CEP70: variants seen among roughly 807,000 people sequenced by gnomAD.
CEP70 encodes centrosomal protein of 70 kDa.
In CEP70, 70 loss-of-function variants were observed where a neutral mutation model predicts 90.9. That is an observed-to-expected ratio of 0.77 (90% CI 0.64 to 0.94). CEP70 has a LOEUF of 0.94. CEP70 is among the 40% of genes least tolerant of loss of function. The probability of loss-of-function intolerance (pLI) is 0.00; values close to 1 mark genes in which losing one functional copy is unlikely to be tolerated. For missense variants in CEP70, 648 were observed against 669.0 expected, an observed-to-expected ratio of 0.97 and a Z score of 0.35; for synonymous variants, 220 against 228.3, an observed-to-expected ratio of 0.96 and a Z score of 0.33.
At chr3:138,568,649 A>G (rs1342863159) in intron 6 of CEP70, among the ~76,000 whole-genome samples, 1 of 152,206 alleles carries the variant, frequency 6.6e-6, no homozygotes, top group Non-Finnish European at 1.5e-5. Context: ...GAGAGATTTT[A>G]TAAATATACT....
At chr3:138,497,805 G>T in intron 17 of CEP70, 1 of 985,302 alleles carries the variant, frequency 1.0e-6, no homozygotes, top group Non-Finnish European at 1.2e-6. Flanking sequence ...CTCATGATAA[G>T]GTCCTCCAAC....
chr3:138,593,380 G>A (rs962699190), intron 1 of CEP70, among the ~76,000 whole-genome samples: 2 of 152,064 alleles, frequency 1.3e-5, no homozygotes, highest in Non-Finnish European at 2.9e-5. Context: ...ACACCACCAT[G>A]CCCAGCTAAT....
chr3:138,500,475 G>C lies in CEP70; in HGVS notation c.1461C>G (p.Pro487=). ...FDVPSLNGVY[P]RMNEVYTRLG... ...GCCTAGTATAAACTTCATTCATTCG[G>C]GGATAGACTCCATTTAAAGAAGGCA... The change falls in exon 15 of 18, where the codon CCC becomes CCG. Residue 487 remains proline (P), a synonymous_variant. Coordinates refer to ENST00000264982, the MANE Select transcript of CEP70 (RefSeq NM_024491.4). The C allele has an allele frequency of 6.2e-7, 1 of 1,611,660 alleles. No individual in the cohort carries two copies. Among genetic ancestry groups the C allele is most frequent in the Non-Finnish European group, 8.5e-7 (1 of 1,179,422 alleles).
At chr3:138,563,181 G>A (rs2108068039) in intron 6 of CEP70, among the ~76,000 whole-genome samples, 1 of 152,186 alleles carries the variant, frequency 6.6e-6, no homozygotes, top group East Asian at 1.9e-4. Context: ...CAATACAGGA[G>A]CACCCAGATT....
intron 11 of CEP70, among the ~76,000 whole-genome samples, chr3:138,518,873 C>G (rs1414667424): frequency 6.6e-6 from 1 of 152,066 alleles, no homozygotes; most frequent in East Asian, 1.9e-4. Context: ...TTCAGAAGAT[C>G]AAACTACTCC....
At chr3:138,550,390 T>A (rs569267430) in intron 6 of CEP70, among the ~76,000 whole-genome samples, 3 of 152,262 alleles carry the variant, frequency 2.0e-5, no homozygotes, top group African/African-American at 7.2e-5. Flanking sequence ...TGAGACGGAG[T>A]TTCGCTCTTG....
At position 138,525,559 on chromosome 3, in the gene CEP70, G is replaced by A. The variant is rs773044019; in HGVS notation, c.875C>T (p.Thr292Met). Reference protein sequence around the residue: ...NLQKDLETRPTQHELRLYKQQ... With the variant: ...NLQKDLETRPMQHELRLYKQQ... ...TTTATAAAGTCTTAATTCATGCTGC[G>A]TAGGCCTGTGGAAAATAAATAATGA... is the stretch of plus-strand genomic sequence containing the variant. The change falls in exon 11 of 18, where the codon ACG (threonine) becomes ATG (methionine). Residue 292 changes from threonine (T) to methionine (M), a missense_variant. Transcript: ENST00000264982. 18 of 1,353,028 alleles carry A rather than the reference G, an allele frequency of 1.3e-5. No individual in the cohort carries two copies. The highest frequency in any genetic ancestry group is 8.1e-5 in the East Asian group (3 of 37,056). The allele number at this position is 1,353,028 out of a possible 1,614,324, so 83.8% of individuals were successfully genotyped here.
intron 7 of CEP70, among the ~76,000 whole-genome samples, chr3:138,534,652 A>T (rs2038110115): frequency 6.6e-6 from 1 of 152,220 alleles, no homozygotes; most frequent in Non-Finnish European, 1.5e-5. Context: ...TTCCTTGGTT[A>T]TCATGATACC....
chr3:138,514,698 C>G (rs950249770), intron 11 of CEP70, among the ~76,000 whole-genome samples: 2 of 151,738 alleles, frequency 1.3e-5, no homozygotes, highest in African/African-American at 2.4e-5. Context: ...TTTTACCTTG[C>G]AAAGTAAAAT....
At position 138,510,636 on chromosome 3, in the gene CEP70, G is replaced by A. The variant is rs116631584; in HGVS notation, c.945-2092C>T. Among the ~76,000 whole-genome samples the A allele has an allele frequency of 7.1e-3, 1,076 of 152,236 alleles. 13 individuals are homozygous for A. Among genetic ancestry groups the A allele is most frequent in the African/African-American group, 0.025 (1,031 of 41,530 alleles). ...TAATGAGTCATAGAGTCAGTTTAGT[G>A]GGTTGAAGTCCCAGCAGGAAACTGA... On this transcript the variant is annotated intron_variant, in intron 11 of 17. Coordinates refer to ENST00000264982, the MANE Select transcript of CEP70 (RefSeq NM_024491.4).
In CEP70 at chr3:138,508,544, T is replaced by C; in HGVS notation, c.945A>G (p.Lys315=). ...KLEKALKKNV[K]LQELINHKKA... ...TCTTATGATTAATAAGCTCCTGTAA[T>C]CTAAAAGGGGGAAAAAAATCAAGAT... Residue 315 remains lysine (K), a splice_region_variant and synonymous_variant, in exon 12 of 18, where the codon AAA becomes AAG. Coordinates refer to ENST00000264982, the MANE Select transcript of CEP70 (RefSeq NM_024491.4). The C allele has an allele frequency of 6.3e-7, 1 of 1,578,258 alleles. No homozygotes were observed. Among genetic ancestry groups the C allele is most frequent in the East Asian group, 2.2e-5 (1 of 44,618 alleles).
chr3:138,523,778 T>C (rs10102623), intron 11 of CEP70, among the ~76,000 whole-genome samples: 2 of 152,048 alleles, frequency 1.3e-5, no homozygotes, highest in Admixed American at 6.5e-5. Context: ...AGAATCAATA[T>C]CGTGAAAATG....
At chr3:138,520,259 C>T (rs1444893389) in intron 11 of CEP70, among the ~76,000 whole-genome samples, 1 of 152,040 alleles carries the variant, frequency 6.6e-6, no homozygotes, top group African/African-American at 2.4e-5. Flanking sequence ...CCACTGTCAA[C>T]ATTAGACAGA....
intron 6 of CEP70, among the ~76,000 whole-genome samples, chr3:138,565,458 C>A (rs1165360699): frequency 6.6e-6 from 1 of 152,116 alleles, no homozygotes; most frequent in Non-Finnish European, 1.5e-5. Flanking sequence ...GGCTATATAA[C>A]CAAAACAGCA....
At chr3:138,535,715 G>C (rs988284794) in intron 7 of CEP70, among the ~76,000 whole-genome samples, 5 of 152,114 alleles carry the variant, frequency 3.3e-5, no homozygotes, top group African/African-American at 4.8e-5. Context: ...TACATTGCAA[G>C]TTCTCTCAGT....
At chr3:138,557,656 G>C (rs1236478113) in intron 6 of CEP70, among the ~76,000 whole-genome samples, 3 of 152,168 alleles carry the variant, frequency 2.0e-5, no homozygotes, top group Non-Finnish European at 4.4e-5. Flanking sequence ...TGGGGACTCA[G>C]AGGGAAAGGG....
rs144214150 is a variant in CEP70 at position 138,507,992 on chromosome 3, C to T, written c.1050+447G>A. Among the ~76,000 whole-genome samples, 660 of 152,190 alleles carry T rather than the reference C, an allele frequency of 4.3e-3. 6 individuals carry two copies. The highest frequency in any genetic ancestry group is 0.041 in the Middle Eastern group (12 of 294). Reference sequence around the variant, plus strand: ...ACTGCTCAGCTATTCAATAAATGATCTATAAAACTAGGAAGGTGAGATTCC... The same window carrying T: ...ACTGCTCAGCTATTCAATAAATGATTTATAAAACTAGGAAGGTGAGATTCC... On this transcript the variant is annotated intron_variant, in intron 12 of 17. Coordinates refer to ENST00000264982, the MANE Select transcript of CEP70 (RefSeq NM_024491.4).
chr3:138,501,298 T>C (rs1328372764), intron 13 of CEP70, among the ~76,000 whole-genome samples: 2 of 152,200 alleles, frequency 1.3e-5, no homozygotes, highest in Non-Finnish European at 2.9e-5. Context: ...ATGTAATTCA[T>C]ATACCATAAA....
intron 2 of CEP70, among the ~76,000 whole-genome samples, chr3:138,577,252 A>C (rs1452643124): frequency 6.6e-6 from 1 of 152,198 alleles, no homozygotes; most frequent in Non-Finnish European, 1.5e-5. Flanking sequence ...GTAAACGACG[A>C]GTTAATGGGT....
Sources: gnomAD v4.1 joint callset for allele counts (sites outside exome capture counted in the v4.1 genomes callset) on GRCh38, gnomAD v4.1.1 for gene constraint, MANE v1.5 for transcripts, NCBI Gene and HGNC (gene_info 2026-07-23, HGNC 2026-07-21) for gene names.